The following DYM variants were observed in gnomAD, a reference collection of about 807,000 sequenced individuals.
DYM encodes dyggve-Melchior-Clausen syndrome protein.
DYM carries 78 observed loss-of-function variants against 93.1 expected under a neutral mutation model. That is an observed-to-expected ratio of 0.84 (90% CI 0.70 to 1.01). The LOEUF (loss-of-function observed/expected upper bound fraction) is 1.01, where lower values mean the gene tolerates loss of function less well. Ranked by LOEUF, DYM falls within the 50% of genes least tolerant of loss-of-function variation. The pLI is 0.00. For missense variants in DYM, 789 were observed against 845.0 expected (o/e 0.93, Z 0.82); for synonymous variants, 321 against 319.7 (o/e 1.00, Z -0.04).
chr18:49,276,902 T>G (rs1398377951), intron 10 of DYM, among the ~76,000 whole-genome samples: 1 of 152,060 alleles, frequency 6.6e-6, no homozygotes, highest in Non-Finnish European at 1.5e-5. Context: ...TAGTAAGAGA[T>G]GAAGGCAGCT....
At chr18:49,124,181 A>C (rs556615370) in intron 15 of DYM, among the ~76,000 whole-genome samples, 1 of 152,322 alleles carries the variant, frequency 6.6e-6, no homozygotes, top group South Asian at 2.1e-4. Flanking sequence ...CTGACTATTT[A>C]TTTTATTCCC....
At chr18:49,252,176 C>A (rs1283432111) in intron 13 of DYM, among the ~76,000 whole-genome samples, 9 of 132,220 alleles carry the variant, frequency 6.8e-5, no homozygotes, top group Admixed American at 2.7e-4. Flanking sequence ...TGAGATTGTG[C>A]CACTGCACTC....
intron 5 of DYM, among the ~76,000 whole-genome samples, chr18:49,367,779 C>T (rs1344971746): frequency 6.6e-6 from 1 of 151,996 alleles, no homozygotes; most frequent in Non-Finnish European, 1.5e-5. Flanking sequence ...AATACAAGTA[C>T]TAAAAACTTA....
At chr18:49,339,074 T>A (rs1417340540) in intron 6 of DYM, among the ~76,000 whole-genome samples, 12 of 151,852 alleles carry the variant, frequency 7.9e-5, no homozygotes, top group Admixed American at 7.2e-4. Flanking sequence ...TCAAAAGATA[T>A]AAACAGGCAA....
intron 17 of DYM, among the ~76,000 whole-genome samples, chr18:49,072,257 T>C (rs1568373227): frequency 6.6e-6 from 1 of 152,198 alleles, no homozygotes; most frequent in South Asian, 2.1e-4. Flanking sequence ...TGATCTCTGG[T>C]CTAAGTTACA....
At chr18:49,132,069 C>T (rs1362197035) in intron 15 of DYM, among the ~76,000 whole-genome samples, 1 of 152,124 alleles carries the variant, frequency 6.6e-6, no homozygotes, top group African/African-American at 2.4e-5. Context: ...TGTTAATATG[C>T]TGTGCATTAG....
chr18:49,305,755 C>A (rs1348047009), intron 8 of DYM, among the ~76,000 whole-genome samples: 1 of 151,798 alleles, frequency 6.6e-6, no homozygotes, highest in Non-Finnish European at 1.5e-5. Context: ...TCCCTAGAAT[C>A]CATGCACCCT....
chr18:49,199,504 A>C (rs2091827370), intron 14 of DYM, among the ~76,000 whole-genome samples: 1 of 152,226 alleles, frequency 6.6e-6, no homozygotes, highest in Non-Finnish European at 1.5e-5. Flanking sequence ...CACATTATGG[A>C]AAATAGAATA....
chr18:49,186,300 G>C (rs1243819387), intron 14 of DYM, among the ~76,000 whole-genome samples: 2 of 152,032 alleles, frequency 1.3e-5, no homozygotes, highest in African/African-American at 4.8e-5. Context: ...CTTCTAATCA[G>C]TGTTGGCTCT....
intron 17 of DYM, among the ~76,000 whole-genome samples, chr18:49,073,753 C>T (rs1342586605): frequency 1.3e-5 from 2 of 152,180 alleles, no homozygotes; most frequent in Non-Finnish European, 2.9e-5. Context: ...GGGGGAATGC[C>T]AATGAGCCCT....
intron 14 of DYM, among the ~76,000 whole-genome samples, chr18:49,197,430 C>T (rs1420709486): frequency 6.6e-6 from 1 of 152,004 alleles, no homozygotes; most frequent in Non-Finnish European, 1.5e-5. Flanking sequence ...CTACCTAGTT[C>T]ATCTGTTGAG....
chr18:49,416,448 T>A (rs1019991806), intron 2 of DYM, among the ~76,000 whole-genome samples: 1 of 152,204 alleles, frequency 6.6e-6, no homozygotes, highest in African/African-American at 2.4e-5. Flanking sequence ...ACAATTCCTC[T>A]GGAGAAGAGT....
Position 49,044,502 on chromosome 18 carries a change from C to G in DYM, c.2026-298G>C, listed in dbSNP as rs895670. Among the ~76,000 whole-genome samples, 11,231 of 152,328 alleles carry G rather than the reference C, an allele frequency of 0.074. 449 individuals are homozygous for G. The highest frequency in any genetic ancestry group is 0.16 in the Middle Eastern group (48 of 294). ...TGGTTAAGGTATGATGAGAAATATC[C>G]TAGCTGAGACATGGACCCTGCCTGG... is the stretch of plus-strand genomic sequence containing the variant. On this transcript the variant is annotated intron_variant, in intron 17 of 17. Coordinates refer to ENST00000675505, the MANE Select transcript of DYM (RefSeq NM_001353214.3).
chr18:49,457,666 G>A (rs2083110487), intron 1 of DYM, among the ~76,000 whole-genome samples: 1 of 152,200 alleles, frequency 6.6e-6, no homozygotes, highest in Non-Finnish European at 1.5e-5. Flanking sequence ...GTGGTAGGTA[G>A]AATAATAGCC....
In DYM at chr18:49,089,700, G is replaced by A. The variant is rs569095485; in HGVS notation, c.2025+7702C>T. 8.5e-5 allele frequency among the ~76,000 whole-genome samples: 13 copies of A among 152,246 alleles called. No individual in the cohort carries two copies. The East Asian group carries it at 1.4e-3, about 16-fold the overall frequency. ...TAGGTTAGAATCTCAGGTGGGATCCGGAACCTGCATATGAAAAGAGTGCTC... is the reference window on the plus strand; with the variant it reads ...TAGGTTAGAATCTCAGGTGGGATCCAGAACCTGCATATGAAAAGAGTGCTC... On this transcript the variant is annotated intron_variant, in intron 17 of 17. Coordinates refer to ENST00000675505, the MANE Select transcript of DYM (RefSeq NM_001353214.3).
At chr18:49,348,834 G>A (rs541458201) in intron 6 of DYM, among the ~76,000 whole-genome samples, 18 of 151,452 alleles carry the variant, frequency 1.2e-4, no homozygotes, top group East Asian at 7.7e-4. Context: ...ACTCGAACCC[G>A]GGAGGTGGAG....
At chr18:49,315,246 T>C (rs991925273) in intron 8 of DYM, among the ~76,000 whole-genome samples, 1 of 152,032 alleles carries the variant, frequency 6.6e-6, no homozygotes. Context: ...AAAGATTGCT[T>C]ATTTCTTTAA....
At chr18:49,151,680 A>G (rs2085832614) in intron 15 of DYM, among the ~76,000 whole-genome samples, 1 of 152,154 alleles carries the variant, frequency 6.6e-6, no homozygotes, top group Admixed American at 6.6e-5. Flanking sequence ...TTTCCAGATG[A>G]CGCTTGAGGG....
In DYM at chr18:49,041,865, A is replaced by C. The variant is rs1017100990; in HGVS notation, c.*2190T>G. ...ATTTCCTCACACAACAAGCACTGAC[A>C]GTCCTGCAGCCCAGGGACTGTCCTG... On this transcript the variant is annotated 3_prime_UTR_variant, in exon 18 of 18. Transcript: ENST00000675505. 6.6e-6 allele frequency: 1 copy of C among 152,218 alleles called. No individual in the cohort carries two copies. The highest frequency in any genetic ancestry group is 1.9e-4 in the East Asian group (1 of 5,194). The allele number at this position is 152,218 out of a possible 1,614,324, so 9.4% of individuals were successfully genotyped here.
Sources: gnomAD v4.1 joint callset for allele counts (sites outside exome capture counted in the v4.1 genomes callset) on GRCh38, gnomAD v4.1.1 for gene constraint, MANE v1.5 for transcripts, NCBI Gene and HGNC (gene_info 2026-07-23, HGNC 2026-07-21) for gene names.